Variants in DIP2B observed in about 807,000 individuals in gnomAD.
The protein encoded by DIP2B is DIP2 acetate--CoA ligase B (putative), also known as disco-interacting protein 2 homolog B.
In DIP2B, 76 loss-of-function variants were observed where a neutral mutation model predicts 198.0. That is an observed-to-expected ratio of 0.38 (90% confidence interval 0.32 to 0.46). DIP2B has a LOEUF of 0.46. Ranked by LOEUF, DIP2B falls within the 20% of genes least tolerant of loss-of-function variation. The pLI is 0.99. For synonymous variants in DIP2B, 701 were observed against 739.1 expected, an observed-to-expected ratio of 0.95 and a Z score of 0.84; for missense variants, 1,559 against 1,978.4, an observed-to-expected ratio of 0.79 and a Z score of 4.02.
At chr12:50,551,102 A>AG (rs1555183563) in intron 1 of DIP2B, among the ~76,000 whole-genome samples, 1 of 151,626 alleles carries the variant, frequency 6.6e-6, no homozygotes, top group Non-Finnish European at 1.5e-5. Context: ...AAGAAAAAAA[A>AG]GAAAGAAAGA....
intron 1 of DIP2B, among the ~76,000 whole-genome samples, chr12:50,598,287 G>A: frequency 6.6e-6 from 1 of 151,982 alleles, no homozygotes; most frequent in East Asian, 1.9e-4. Context: ...ACAAGATGTG[G>A]CCTTCTTGAA....
intron 1 of DIP2B, among the ~76,000 whole-genome samples, chr12:50,535,135 G>C (rs1051910452): frequency 2.0e-5 from 3 of 152,148 alleles, no homozygotes; most frequent in Non-Finnish European, 1.5e-5. Context: ...GGGATGCTAA[G>C]GTGGGAGACT....
chr12:50,516,014 G>C (rs1224949060), intron 1 of DIP2B, among the ~76,000 whole-genome samples: 2 of 152,184 alleles, frequency 1.3e-5, no homozygotes, highest in African/African-American at 4.8e-5. Flanking sequence ...CAGTTTGGAA[G>C]CTAGGAAGTC....
chr12:50,606,216 G>A (rs535959777), intron 1 of DIP2B, among the ~76,000 whole-genome samples: 1 of 151,964 alleles, frequency 6.6e-6, no homozygotes, highest in Non-Finnish European at 1.5e-5. Context: ...CAAGTTCTGG[G>A]CACAAGTGAT....
chr12:50,675,800 T>C (rs1437167492), intron 7 of DIP2B, among the ~76,000 whole-genome samples: 1 of 152,222 alleles, frequency 6.6e-6, no homozygotes, highest in Non-Finnish European at 1.5e-5. Flanking sequence ...CCTCAAAAGT[T>C]TGCCTACTCT....
At chr12:50,545,106 G>A (rs181788035) in intron 1 of DIP2B, among the ~76,000 whole-genome samples, 18 of 152,178 alleles carry the variant, frequency 1.2e-4, no homozygotes, top group African/African-American at 3.1e-4. Flanking sequence ...TGGCTTTTGC[G>A]AATGTTTTGT....
chr12:50,671,121 G>A, intron 4 of DIP2B, 65 bp from the exon 5 acceptor site: 1 of 1,502,544 alleles, frequency 6.7e-7, no homozygotes, highest in Non-Finnish European at 9.1e-7. Context: ...TGATCAATGA[G>A]CAAGAACTGA....
intron 1 of DIP2B, among the ~76,000 whole-genome samples, chr12:50,516,113 T>C (rs1177865767): frequency 6.6e-6 from 1 of 152,074 alleles, no homozygotes; most frequent in African/African-American, 2.4e-5. Flanking sequence ...CTTCACATGG[T>C]GGGAGGGGCA....
At chr12:50,686,490 T>C (rs1939132841) in intron 11 of DIP2B, 83 bp from the exon 12 acceptor site, 1 of 1,196,552 alleles carries the variant, frequency 8.4e-7, no homozygotes, top group African/African-American at 1.5e-5. Context: ...ATTTGGTCTC[T>C]TGATATTTAA....
rs1470096936 is a variant in DIP2B, at chr12:50,744,954, C to CTGA, written c.*116_*117insGAT. ...TAAGCTGAGATGGCTACATGATATT[C>CTGA]TTCATCTCATCCTGTGGGATTCTGC... On this transcript the variant is annotated 3_prime_UTR_variant, in exon 38 of 38. Transcript: ENST00000301180. 1 of 1,257,298 alleles carries CTGA rather than the reference C, an allele frequency of 8.0e-7. No individual in the cohort carries two copies. Among genetic ancestry groups the CTGA allele is most frequent in the Non-Finnish European group, 1.1e-6 (1 of 908,848 alleles). The allele number at this position is 1,257,298 out of a possible 1,614,324, so 77.9% of individuals were successfully genotyped here. A position where few individuals can be genotyped will look rare whatever the true frequency, so the allele number is the denominator to read the frequency against.
At position 50,708,468 on chromosome 12, in the gene DIP2B, C is replaced by G. The variant is rs1198368568; in HGVS notation, c.2555C>G (p.Ser852Cys). The G allele has an allele frequency of 6.2e-7, 1 of 1,603,136 alleles. No individual in the cohort carries two copies. ...CTTAGAATTGCTGTGTTTTCTGTGT[C>G]TGTATTTTATGATGAGCGCATTGTG... is the stretch of plus-strand genomic sequence containing the variant. ...YRGRIAVFSV[S>C]VFYDERIVVV... Residue 852 changes from serine (S) to cysteine (C), a missense_variant, in exon 22 of 38, where the codon TCT (serine) becomes TGT (cysteine). Coordinates refer to ENST00000301180, the MANE Select transcript of DIP2B (RefSeq NM_173602.3).
At chr12:50,690,434 C>G (rs1592129541) in intron 12 of DIP2B, among the ~76,000 whole-genome samples, 1 of 152,102 alleles carries the variant, frequency 6.6e-6, no homozygotes, top group East Asian at 1.9e-4. Flanking sequence ...GCCTGTAGTT[C>G]CAGCTACTCA....
chr12:50,647,274 TC>T (rs1057313158), intron 3 of DIP2B, among the ~76,000 whole-genome samples: 4 of 151,508 alleles, frequency 2.6e-5, no homozygotes, highest in South Asian at 4.2e-4. Context: ...GGAGTTTTTC[TC>T]CCCCCCGCCC....
Position 50,675,385 on chromosome 12 carries a change from A to C in DIP2B, c.853A>C (p.Lys285Gln). 1 of 1,614,056 alleles carries C rather than the reference A, an allele frequency of 6.2e-7. No homozygotes were observed. Among genetic ancestry groups the C allele is most frequent in the Non-Finnish European group, 8.5e-7 (1 of 1,179,938 alleles). Reference protein sequence around the residue: ...TKIQQLLNTLKRPKRPPLKEF... With the variant: ...TKIQQLLNTLQRPKRPPLKEF... ...AATCCAGCAGCTTCTGAACACTCTG[A>C]AACGACCCAAAAGGCCTCCCTTAAA... is the stretch of plus-strand genomic sequence containing the variant. The change falls in exon 7 of 38, where the codon AAA (lysine) becomes CAA (glutamine). Residue 285 changes from lysine (K) to glutamine (Q), a missense_variant. Lys to Gln is a moderately conservative substitution (Grantham distance 53, BLOSUM62 1). Coordinates refer to ENST00000301180, the MANE Select transcript of DIP2B (RefSeq NM_173602.3).
chr12:50,717,137 G>GT (rs1939739213), intron 23 of DIP2B, among the ~76,000 whole-genome samples: 1 of 151,218 alleles, frequency 6.6e-6, no homozygotes, highest in Middle Eastern at 3.4e-3. Context: ...TAGAGATGGG[G>GT]TTTTGCCATG....
In DIP2B at chr12:50,718,780, G is replaced by A. The variant is rs746320670; in HGVS notation, c.2923G>A (p.Asp975Asn). The change falls in exon 24 of 38, where the codon GAT (aspartate) becomes AAT (asparagine). Residue 975 changes from aspartate to asparagine, a missense_variant. By Grantham distance (23) the Asp-to-Asn change is conservative. Coordinates refer to ENST00000301180, the MANE Select transcript of DIP2B (RefSeq NM_173602.3). ...ACGTATAGCACAAGCTGCTGGAAGG[G>A]ATCTGGGACAAATAGAAGAGAATGA... ...GKRIAQAAGR[D>N]LGQIEENDLV... 1 of 1,614,196 alleles carries A rather than the reference G, an allele frequency of 6.2e-7. No homozygotes were observed. The highest frequency in any genetic ancestry group is 1.1e-5 in the South Asian group (1 of 91,074).
At chr12:50,642,397 C>A (rs1938271584) in intron 3 of DIP2B, among the ~76,000 whole-genome samples, 1 of 152,190 alleles carries the variant, frequency 6.6e-6, no homozygotes, top group Non-Finnish European at 1.5e-5. Context: ...GTATTTGTTC[C>A]AGTAGCTCAC....
At chr12:50,528,104 T>A (rs1299452685) in intron 1 of DIP2B, among the ~76,000 whole-genome samples, 1 of 152,040 alleles carries the variant, frequency 6.6e-6, no homozygotes, top group Non-Finnish European at 1.5e-5. Flanking sequence ...GGTTTAAATT[T>A]TTTGTGGAGA....
intron 1 of DIP2B, among the ~76,000 whole-genome samples, chr12:50,523,254 C>A (rs1339766480): frequency 2.0e-5 from 3 of 152,058 alleles, no homozygotes; most frequent in African/African-American, 7.3e-5. Flanking sequence ...TAAATCAACT[C>A]TAGATTACTT....
Sources: gnomAD v4.1 joint callset for allele counts (sites outside exome capture counted in the v4.1 genomes callset) on GRCh38, gnomAD v4.1.1 for gene constraint, MANE v1.5 for transcripts, NCBI Gene and HGNC (gene_info 2026-07-23, HGNC 2026-07-21) for gene names.